MACROD2: variants seen among roughly 807,000 people sequenced by gnomAD.
The protein encoded by MACROD2 is ADP-ribose glycohydrolase MACROD2.
A neutral mutation model predicts 70.4 loss-of-function variants in MACROD2; 36 were observed. The observed-to-expected ratio is 0.51, with a 90% CI of 0.39 to 0.68. MACROD2 has a LOEUF of 0.68. Among genes scored for constraint, MACROD2 ranks in the 30% least tolerant of loss-of-function variants. The pLI is 0.00. For synonymous variants in MACROD2, 172 were observed against 178.8 expected (o/e 0.96, Z 0.30); for missense variants, 496 against 538.4 (o/e 0.92, Z 0.78).
intron 8 of MACROD2, among the ~76,000 whole-genome samples, chr20:15,851,084 C>G (rs1160869544): frequency 6.6e-6 from 1 of 151,880 alleles, no homozygotes; most frequent in Non-Finnish European, 1.5e-5. Flanking sequence ...TTCAGATTGT[C>G]AAAAATAGAG....
chr20:14,275,191 G>A (rs192078745), intron 3 of MACROD2, among the ~76,000 whole-genome samples: 28 of 152,198 alleles, frequency 1.8e-4, no homozygotes, highest in Admixed American at 1.6e-3. Context: ...TAAGCCAAAC[G>A]AACAAAGCTG....
chr20:14,773,397 G>A (rs1306173379), intron 5 of MACROD2, among the ~76,000 whole-genome samples: 2 of 151,766 alleles, frequency 1.3e-5, no homozygotes, highest in East Asian at 3.9e-4. Flanking sequence ...CCCAGCCCCT[G>A]GTAACCACCT....
At chr20:14,340,792 A>C (rs2122660552) in intron 3 of MACROD2, among the ~76,000 whole-genome samples, 1 of 152,324 alleles carries the variant, frequency 6.6e-6, no homozygotes, top group Middle Eastern at 3.4e-3. Context: ...AACTTCAATA[A>C]CATATCCCAG....
At chr20:14,873,848 A>C (rs1402548045) in intron 5 of MACROD2, among the ~76,000 whole-genome samples, 1 of 152,116 alleles carries the variant, frequency 6.6e-6, no homozygotes, top group Non-Finnish European at 1.5e-5. Context: ...ACCAAGAACA[A>C]AACTCTGTCT....
At chr20:15,373,315 A>G (rs886500576) in intron 6 of MACROD2, among the ~76,000 whole-genome samples, 2 of 152,140 alleles carry the variant, frequency 1.3e-5, no homozygotes, top group African/African-American at 2.4e-5. Context: ...GCAAAACCCC[A>G]TATATCTTAT....
intron 8 of MACROD2, among the ~76,000 whole-genome samples, chr20:15,585,594 A>G (rs894279069): frequency 6.6e-6 from 1 of 152,142 alleles, no homozygotes; most frequent in Non-Finnish European, 1.5e-5. Flanking sequence ...CTCTCTGAAT[A>G]TGGCATATAA....
At chr20:14,162,064 G>T (rs950783977) in intron 3 of MACROD2, among the ~76,000 whole-genome samples, 4 of 152,060 alleles carry the variant, frequency 2.6e-5, no homozygotes, top group Non-Finnish European at 5.9e-5. Flanking sequence ...CATCCCATAG[G>T]TTTGATTTGT....
chr20:15,029,219 G>A (rs2075256235), intron 5 of MACROD2, among the ~76,000 whole-genome samples: 1 of 152,120 alleles, frequency 6.6e-6, no homozygotes. Flanking sequence ...ACCTCTTATA[G>A]ACTCATCCTT....
At chr20:14,395,087 T>A (rs543894127) in intron 3 of MACROD2, among the ~76,000 whole-genome samples, 1 of 152,196 alleles carries the variant, frequency 6.6e-6, no homozygotes, top group East Asian at 1.9e-4. Flanking sequence ...TAGAGCAATG[T>A]TGATCTCATA....
intron 5 of MACROD2, among the ~76,000 whole-genome samples, chr20:15,204,955 C>G (rs2145934469): frequency 6.6e-6 from 1 of 152,152 alleles, no homozygotes; most frequent in South Asian, 2.1e-4. Context: ...TAGAACAGCC[C>G]TAGTGTAGAG....
At chr20:14,652,318 T>A (rs1188115515) in intron 4 of MACROD2, among the ~76,000 whole-genome samples, 2 of 152,214 alleles carry the variant, frequency 1.3e-5, no homozygotes, top group Admixed American at 6.5e-5. Context: ...AATTTTACCA[T>A]AATATTTTAT....
At chr20:15,150,369 A>C (rs886196424) in intron 5 of MACROD2, among the ~76,000 whole-genome samples, 1 of 152,072 alleles carries the variant, frequency 6.6e-6, no homozygotes, top group African/African-American at 2.4e-5. Flanking sequence ...AAGAGTGTAC[A>C]GGTTGGGCAC....
chr20:14,347,616 C>G (rs2083077454), intron 3 of MACROD2, among the ~76,000 whole-genome samples: 1 of 152,104 alleles, frequency 6.6e-6, no homozygotes, highest in Admixed American at 6.6e-5. Context: ...AGAGATGAGG[C>G]TTTCCAAAAG....
intron 15 of MACROD2, among the ~76,000 whole-genome samples, chr20:16,025,446 A>G (rs2067064573): frequency 6.6e-6 from 1 of 152,248 alleles, no homozygotes; most frequent in South Asian, 2.1e-4. Flanking sequence ...AGATAACAGC[A>G]GTCAAGACAA....
At chr20:15,470,506 C>A (rs557209765) in intron 7 of MACROD2, among the ~76,000 whole-genome samples, 1 of 152,288 alleles carries the variant, frequency 6.6e-6, no homozygotes, top group East Asian at 1.9e-4. Context: ...CTTTGTATGT[C>A]ATCTCCCTGC....
chr20:15,824,402 T>C (rs146322920), intron 8 of MACROD2, among the ~76,000 whole-genome samples: 127 of 152,338 alleles, frequency 8.3e-4, no homozygotes, highest in African/African-American at 2.8e-3. Flanking sequence ...GAAAAGTCTA[T>C]AGGCTCTTGT....
At chr20:15,343,318 G>A (rs113614906) in intron 6 of MACROD2, among the ~76,000 whole-genome samples, 281 of 152,282 alleles carry the variant, frequency 1.8e-3, no homozygotes, top group Middle Eastern at 6.8e-3. Flanking sequence ...CCTACTGCAA[G>A]CATTTTTCAA....
At chr20:14,783,191 C>G (rs565184863) in intron 5 of MACROD2, among the ~76,000 whole-genome samples, 1 of 152,190 alleles carries the variant, frequency 6.6e-6, no homozygotes, top group South Asian at 2.1e-4. Context: ...TTTCTAAATC[C>G]TCTTTCTAAA....
At chr20:15,129,879 A>C (rs1052237591) in intron 5 of MACROD2, among the ~76,000 whole-genome samples, 4 of 151,932 alleles carry the variant, frequency 2.6e-5, no homozygotes, top group Non-Finnish European at 5.9e-5. Context: ...AATGTGAGTC[A>C]CTCAGGTGGG....
Sources: gnomAD v4.1 joint callset for allele counts (sites outside exome capture counted in the v4.1 genomes callset) on GRCh38, gnomAD v4.1.1 for gene constraint, MANE v1.5 for transcripts, NCBI Gene and HGNC (gene_info 2026-07-23, HGNC 2026-07-21) for gene names.